The following HIGD1C variants were observed in gnomAD, a reference collection of about 807,000 sequenced individuals.
HIGD1C encodes the protein HIG1 hypoxia inducible domain family member 1C, also known as HIG1 domain family member 1C.
A neutral mutation model predicts 13.1 loss-of-function variants in HIGD1C; 11 were observed. That is an observed-to-expected ratio of 0.84 (90% CI 0.53 to 1.39). HIGD1C has a LOEUF of 1.39. Among genes scored for constraint, HIGD1C ranks in the 40% most tolerant of loss-of-function variants. The pLI is 0.00. For missense variants in HIGD1C, 110 were observed against 112.0 expected, an observed-to-expected ratio of 0.98 and a Z score of 0.08; for synonymous variants, 36 against 37.7, an observed-to-expected ratio of 0.95 and a Z score of 0.17.
At chr12:50,971,556 A>C (rs1476054887), downstream of HIGD1C, among the ~76,000 whole-genome samples, 1 of 152,182 alleles carries the variant, frequency 6.6e-6, no homozygotes, top group African/African-American at 2.4e-5. Flanking sequence ...CAAGAAACCA[A>C]AGCAGATGTT....
chr12:50,967,299 T>C (rs1939577637), intron 2 of HIGD1C, among the ~76,000 whole-genome samples: 1 of 152,048 alleles, frequency 6.6e-6, no homozygotes, highest in African/African-American at 2.4e-5. Flanking sequence ...GTATGCATCA[T>C]CATGTCTGGC....
At chr12:50,948,684 G>A in the HIGD1C span, among the ~76,000 whole-genome samples, 31,563 of 148,656 alleles carry the variant, frequency 0.21, 3,831 homozygotes, top group East Asian at 0.5. Context: ...CCTGACCAAC[G>A]TGGTGAAACC....
chr12:50,932,743 A>C, the HIGD1C span, among the ~76,000 whole-genome samples: 1 of 152,232 alleles, frequency 6.6e-6, no homozygotes, highest in Non-Finnish European at 1.5e-5. Flanking sequence ...AAAAGCAAAA[A>C]AGTTCAAGTC....
At chr12:50,966,201 G>A (rs1189211590) in intron 2 of HIGD1C, among the ~76,000 whole-genome samples, 1 of 152,092 alleles carries the variant, frequency 6.6e-6, no homozygotes, top group Admixed American at 6.6e-5. Flanking sequence ...AATTTAGGGA[G>A]CCCAGCAGTT....
chr12:50,950,231 C>T (rs1320863534), upstream of HIGD1C, among the ~76,000 whole-genome samples: 1 of 152,164 alleles, frequency 6.6e-6, no homozygotes, highest in African/African-American at 2.4e-5. Context: ...GAGGATCAAA[C>T]TACATGTGCT....
intron 2 of HIGD1C, among the ~76,000 whole-genome samples, chr12:50,962,196 G>A (rs1327323857): frequency 1.3e-5 from 2 of 151,900 alleles, no homozygotes; most frequent in Non-Finnish European, 2.9e-5. Flanking sequence ...TACCAGCCTG[G>A]CCAACATGGC....
chr12:50,964,012 T>C lies in HIGD1C; in HGVS notation c.229+2910T>C, dbSNP rs75574554. 2.8e-3 allele frequency among the ~76,000 whole-genome samples: 422 copies of C among 152,336 alleles called. 2 individuals are homozygous for C. The highest frequency in any genetic ancestry group is 9.5e-3 in the African/African-American group (396 of 41,576). ...GGATACAGAATCCCTTCATACGTCTTTGGATGATGATGATTCCTCTTTGAG... is the reference window on the plus strand; with the variant it reads ...GGATACAGAATCCCTTCATACGTCTCTGGATGATGATGATTCCTCTTTGAG... On this transcript the variant is annotated intron_variant, in intron 2 of 2. Transcript: ENST00000398455.
At chr12:50,958,658 A>G (rs750997083) in intron 1 of HIGD1C, among the ~76,000 whole-genome samples, 5 of 152,112 alleles carry the variant, frequency 3.3e-5, no homozygotes, top group Admixed American at 1.3e-4. Flanking sequence ...ATATTGCTAC[A>G]GTAATCAACA....
chr12:50,940,721 T>C, the HIGD1C span, among the ~76,000 whole-genome samples: 1 of 101,352 alleles, frequency 9.9e-6, no homozygotes. Flanking sequence ...AGACCCCATC[T>C]CAAAAAAAAA....
the HIGD1C span, among the ~76,000 whole-genome samples, chr12:50,938,567 G>A: frequency 2.0e-5 from 3 of 152,170 alleles, no homozygotes; most frequent in Non-Finnish European, 2.9e-5. Flanking sequence ...AGCCCCTGTG[G>A]ACTCTACAGA....
chr12:50,969,602 G>A (rs2554859), intron 2 of HIGD1C, among the ~76,000 whole-genome samples: 14,946 of 151,878 alleles, frequency 0.098, 1,149 homozygotes, highest in African/African-American at 0.21. Context: ...GGGAGGCTGA[G>A]GCAGGAGAAT....
intron 2 of HIGD1C, among the ~76,000 whole-genome samples, chr12:50,969,939 T>C (rs1235069849): frequency 6.6e-6 from 1 of 152,106 alleles, no homozygotes; most frequent in African/African-American, 2.4e-5. Context: ...TTCCTTACCC[T>C]ATTCCTTCTG....
chr12:50,961,140 T>C (rs748873190), intron 2 of HIGD1C, 38 bp downstream of exon 4: 83 of 1,601,988 alleles, frequency 5.2e-5, no homozygotes, highest in Admixed American at 6.8e-5. Context: ...TCAGCTGTCT[T>C]TGAGAGTACA....
At chr12:50,962,268 G>A (rs1209619540) in intron 2 of HIGD1C, among the ~76,000 whole-genome samples, 1 of 151,508 alleles carries the variant, frequency 6.6e-6, no homozygotes, top group Non-Finnish European at 1.5e-5. Flanking sequence ...AAATAGCTGG[G>A]TGTGGTGGCA....
downstream of HIGD1C, among the ~76,000 whole-genome samples, chr12:50,971,769 T>C (rs1939767608): frequency 6.6e-6 from 1 of 152,214 alleles, no homozygotes; most frequent in Admixed American, 6.5e-5. Flanking sequence ...GTACTTCCTT[T>C]TCCTCAGTGT....
chr12:50,972,357 C>A (rs753034906), downstream of HIGD1C, among the ~76,000 whole-genome samples: 1 of 152,152 alleles, frequency 6.6e-6, no homozygotes. Context: ...GCTAAGTATT[C>A]ATTTGTTAAG....
At chr12:50,948,867 G>A in the HIGD1C span, among the ~76,000 whole-genome samples, 1 of 27,320 alleles carries the variant, frequency 3.7e-5, no homozygotes, top group South Asian at 2.3e-3. Context: ...CGAGGAGGAG[G>A]GGGGAGGGGA....
At chr12:50,960,863 A>T in intron 1 of HIGD1C, 105 bp from the exon 4 acceptor site, 8 of 890,588 alleles carry the variant, frequency 9.0e-6, no homozygotes, top group Non-Finnish European at 3.2e-6. Flanking sequence ...TTTTTTTTTT[A>T]GAGATGGGGT....
the HIGD1C span, among the ~76,000 whole-genome samples, chr12:50,948,627 T>C: frequency 6.6e-6 from 1 of 151,024 alleles, no homozygotes; most frequent in Non-Finnish European, 1.5e-5. Context: ...CCCAGCACTT[T>C]GGGAGGCCGA....
Sources: allele counts gnomAD v4.1 joint callset (sites outside exome capture counted in the v4.1 genomes callset), GRCh38; gene constraint gnomAD v4.1.1; transcripts MANE v1.5; gene names NCBI Gene and HGNC (gene_info 2026-07-23, HGNC 2026-07-21).